PSMD1: variants seen among roughly 807,000 people sequenced by gnomAD.
PSMD1 encodes proteasome 26S subunit, non-ATPase 1.
Under a neutral mutation model 119.0 loss-of-function variants are expected in PSMD1, and 18 were observed. The ratio of observed to expected loss-of-function variants is 0.15; its 90% confidence interval spans 0.10 to 0.22. The LOEUF is 0.22. Among genes scored for constraint, PSMD1 ranks in the 10% least tolerant of loss-of-function variants. The pLI, the probability that PSMD1 is intolerant of heterozygous loss-of-function variation, is 1.00. For synonymous variants in PSMD1, 374 were observed against 396.6 expected, an observed-to-expected ratio of 0.94 and a Z score of 0.68; for missense variants, 702 against 1,158.5, an observed-to-expected ratio of 0.61 and a Z score of 5.72.
chr2:231,149,728 G>A (rs893624024), intron 18 of PSMD1, among the ~76,000 whole-genome samples: 5 of 152,168 alleles, frequency 3.3e-5, no homozygotes, highest in African/African-American at 1.2e-4. Flanking sequence ...ACATTTGTAA[G>A]TAGTAGTCTA....
chr2:231,068,752 A>G (rs367656901), intron 5 of PSMD1, among the ~76,000 whole-genome samples: 2 of 152,194 alleles, frequency 1.3e-5, no homozygotes, highest in African/African-American at 2.4e-5. Context: ...GCTTGTGTTC[A>G]GATAACCCTT....
At position 231,066,911 on chromosome 2, in the gene PSMD1, T is replaced by G; in HGVS notation, c.310T>G (p.Cys104Gly). ...TTATTTTATTTCCTCAACAGCAAAA[T>G]GCATTGATCACTACACCAAACAATG... is the stretch of plus-strand genomic sequence containing the variant. Reference protein sequence around the residue: ...SEYVETIIAKCIDHYTKQCVE... With the variant: ...SEYVETIIAKGIDHYTKQCVE... Residue 104 changes from cysteine (C) to glycine (G), a missense_variant, in exon 5 of 25, where the codon TGC becomes GGC. Around this residue, in one of 9 missense-constraint regions of PSMD1, gnomAD observed 50 missense variants for 41.8 expected, o/e 1.20. Transcript: ENST00000308696. The G allele has an allele frequency of 6.3e-7, 1 of 1,590,678 alleles. No homozygotes were observed. Among genetic ancestry groups the G allele is most frequent in the Non-Finnish European group, 8.5e-7 (1 of 1,172,102 alleles).
intron 19 of PSMD1, among the ~76,000 whole-genome samples, chr2:231,155,368 C>T (rs1285060174): frequency 1.3e-5 from 2 of 152,102 alleles, no homozygotes; most frequent in Non-Finnish European, 2.9e-5. Context: ...AAAGAAGCTG[C>T]TATTAATTTG....
intron 16 of PSMD1, among the ~76,000 whole-genome samples, chr2:231,118,978 A>C (rs938658520): frequency 6.6e-6 from 1 of 152,162 alleles, no homozygotes; most frequent in Non-Finnish European, 1.5e-5. Context: ...TATCTTCCAG[A>C]AAAGAAAGAC....
At chr2:231,123,614 C>G (rs1031509575) in intron 16 of PSMD1, 1 of 1,614,076 alleles carries the variant, frequency 6.2e-7, no homozygotes, top group Non-Finnish European at 8.5e-7. Context: ...AGTTTATTTC[C>G]CTGTTCCTCA....
At chr2:231,134,655 T>C (rs1457156698) in intron 16 of PSMD1, among the ~76,000 whole-genome samples, 1 of 152,204 alleles carries the variant, frequency 6.6e-6, no homozygotes, top group Non-Finnish European at 1.5e-5. Context: ...TTTTTCTACC[T>C]ACTTTTCCTC....
intron 16 of PSMD1, among the ~76,000 whole-genome samples, chr2:231,091,725 T>G (rs1694599694): frequency 7.0e-6 from 1 of 142,574 alleles, no homozygotes; most frequent in African/African-American, 2.6e-5. Context: ...CGTGTAGATC[T>G]ACGGTGTTTA....
chr2:231,066,040 G>A (rs1410100646), intron 4 of PSMD1, among the ~76,000 whole-genome samples: 1 of 152,218 alleles, frequency 6.6e-6, no homozygotes, highest in East Asian at 1.9e-4. Flanking sequence ...CAGGTTTGCA[G>A]CCTAGAAGCA....
At position 231,056,975 on chromosome 2, in the gene PSMD1, C is replaced by G; in HGVS notation, c.-51C>G. The G allele has an allele frequency of 2.3e-5, 36 of 1,539,968 alleles. No homozygotes were observed. The highest frequency in any genetic ancestry group is 3.1e-5 in the Non-Finnish European group (36 of 1,144,320). On this transcript the variant is annotated 5_prime_UTR_variant, in exon 1 of 25. Coordinates refer to ENST00000308696, the MANE Select transcript of PSMD1 (RefSeq NM_002807.4). ...AGCGGCCCCTGAGCTGACAGATACA[C>G]TGCGCAGCTGGAACGGCGAGCGAGC...
At chr2:231,105,503 G>A (rs1468476777) in intron 16 of PSMD1, among the ~76,000 whole-genome samples, 1 of 151,816 alleles carries the variant, frequency 6.6e-6, no homozygotes, top group Admixed American at 6.6e-5. Flanking sequence ...TATATCTGTT[G>A]ATATTAAGTT....
chr2:231,128,826 C>A (rs1695788520), intron 16 of PSMD1, among the ~76,000 whole-genome samples: 1 of 152,164 alleles, frequency 6.6e-6, no homozygotes, highest in South Asian at 2.1e-4. Context: ...AATACAGCAC[C>A]TTCTTCTTTA....
At chr2:231,153,067 G>A (rs1331875376) in intron 18 of PSMD1, among the ~76,000 whole-genome samples, 1 of 152,162 alleles carries the variant, frequency 6.6e-6, no homozygotes, top group African/African-American at 2.4e-5. Context: ...GAAAATTAAT[G>A]TGAGTAGATA....
chr2:231,082,634 G>A (rs964088509), intron 12 of PSMD1, among the ~76,000 whole-genome samples: 2 of 152,186 alleles, frequency 1.3e-5, no homozygotes, highest in Non-Finnish European at 2.9e-5. Context: ...GAACCCAGGA[G>A]GTGGAGTTTG....
chr2:231,108,051 C>A (rs927337058), intron 16 of PSMD1, among the ~76,000 whole-genome samples: 1 of 152,234 alleles, frequency 6.6e-6, no homozygotes, highest in Non-Finnish European at 1.5e-5. Flanking sequence ...TCTTAACTCA[C>A]CTCCAGATGT....
chr2:231,092,031 G>C (rs543060084), intron 16 of PSMD1, among the ~76,000 whole-genome samples: 220 of 152,298 alleles, frequency 1.4e-3, no homozygotes, highest in Non-Finnish European at 2.6e-3. Flanking sequence ...TTTTGGCCAA[G>C]TTACCTACAA....
intron 8 of PSMD1, among the ~76,000 whole-genome samples, chr2:231,075,894 C>T (rs957907252): frequency 6.6e-6 from 1 of 151,794 alleles, no homozygotes; most frequent in South Asian, 2.1e-4. Context: ...CCATGCCCAG[C>T]GAGTGTGCTT....
chr2:231,108,907 G>A (rs1695056878), intron 16 of PSMD1: 1 of 1,613,910 alleles, frequency 6.2e-7, no homozygotes, highest in Admixed American at 1.7e-5. Context: ...TTTGGTTACA[G>A]GAATCACATA....
At chr2:231,088,822 T>G (rs938395999) in intron 16 of PSMD1, among the ~76,000 whole-genome samples, 7 of 152,152 alleles carry the variant, frequency 4.6e-5, no homozygotes. Flanking sequence ...AAACTAGAAA[T>G]GATAAAGCTT....
intron 18 of PSMD1, among the ~76,000 whole-genome samples, chr2:231,151,801 GA>G (rs35643795): frequency 0.027 from 3,750 of 136,758 alleles, 89 homozygotes; most frequent in East Asian, 0.088. Context: ...TCAAACATGA[GA>G]ATTTTTTTTT....
Sources: gnomAD v4.1 joint callset for allele counts (sites outside exome capture counted in the v4.1 genomes callset) on GRCh38, gnomAD v4.1.1 for gene constraint, gnomAD v4.1.1 regional missense constraint, MANE v1.5 for transcripts, NCBI Gene and HGNC (gene_info 2026-07-23, HGNC 2026-07-21) for gene names.